Variants in GFM1 observed in about 807,000 individuals in gnomAD.
GFM1 encodes the protein elongation factor G, mitochondrial.
In GFM1, 62 loss-of-function variants were observed where a neutral mutation model predicts 96.2. That is an observed-to-expected ratio of 0.64 (90% CI 0.53 to 0.80). GFM1 has a LOEUF of 0.80. GFM1 is among the 30% of genes least tolerant of loss of function. GFM1 has a pLI of 0.00. For missense variants in GFM1, 852 were observed against 916.6 expected (o/e 0.93, Z 0.91); for synonymous variants, 282 against 312.9 (o/e 0.90, Z 1.04).
chr3:158,657,871 T>C (rs533479443), intron 8 of GFM1, among the ~76,000 whole-genome samples: 1 of 152,320 alleles, frequency 6.6e-6, no homozygotes, highest in African/African-American at 2.4e-5. Context: ...GTGGGGTGTT[T>C]AGTCTAATTT....
At chr3:158,675,789 G>A (rs1724834392) in intron 13 of GFM1, among the ~76,000 whole-genome samples, 1 of 151,992 alleles carries the variant, frequency 6.6e-6, no homozygotes. Flanking sequence ...ATTAGTCCTG[G>A]GATAATTGGA....
At chr3:158,661,651 ACT>A in intron 10 of GFM1, among the ~76,000 whole-genome samples, 1 of 151,082 alleles carries the variant, frequency 6.6e-6, no homozygotes. Context: ...AGGAGAGCAA[ACT>A]CTCTTACATT....
chr3:158,685,260 G>A (rs1725744979), intron 15 of GFM1: 1 of 152,190 alleles, frequency 6.6e-6, no homozygotes, highest in African/African-American at 2.4e-5. Context: ...TCGCTTTTAA[G>A]AGAAAAAAAA....
chr3:158,688,339 A>G (rs946792096), intron 15 of GFM1, among the ~76,000 whole-genome samples: 4 of 152,182 alleles, frequency 2.6e-5, no homozygotes, highest in African/African-American at 9.7e-5. Context: ...AGGCATGTGT[A>G]AGGGTAAGAT....
At chr3:158,666,603 A>G in intron 13 of GFM1, 2 of 1,532,568 alleles carry the variant, frequency 1.3e-6, no homozygotes, top group Non-Finnish European at 1.8e-6. Context: ...ATTGGCATAC[A>G]CATCAATAGA....
intron 13 of GFM1, 122 bp downstream of exon 13, chr3:158,666,508 C>CTA: frequency 9.0e-7 from 1 of 1,113,234 alleles, no homozygotes; most frequent in East Asian, 2.4e-5. Flanking sequence ...ATTATGGACT[C>CTA]TATAAAGTTC....
intron 13 of GFM1, among the ~76,000 whole-genome samples, chr3:158,681,423 A>G (rs1229391841): frequency 6.6e-6 from 1 of 152,180 alleles, no homozygotes; most frequent in Non-Finnish European, 1.5e-5. Context: ...AACTGTGTTT[A>G]TACATCTTTC....
At position 158,692,744 on chromosome 3, in the gene GFM1, T is replaced by G. The variant is rs967510213; in HGVS notation, c.*1277T>G. Among the ~76,000 whole-genome samples the G allele has an allele frequency of 6.6e-6, 1 of 152,054 alleles. No individual in the cohort carries two copies. The highest frequency in any genetic ancestry group is 1.5e-5 in the Non-Finnish European group (1 of 67,994). ...TCTCACTCTATCCCCCAGGCTGGAATGCAGAGGGACTATCTCTGCTCACTA... is the reference window on the plus strand; with the variant it reads ...TCTCACTCTATCCCCCAGGCTGGAAGGCAGAGGGACTATCTCTGCTCACTA... On this transcript the variant is annotated 3_prime_UTR_variant, in exon 18 of 18. Transcript: ENST00000486715.
chr3:158,645,099 C>T (rs1026175486), intron 1 of GFM1, among the ~76,000 whole-genome samples: 1 of 151,804 alleles, frequency 6.6e-6, no homozygotes, highest in African/African-American at 2.4e-5. Context: ...ATCCCCATCC[C>T]CTGCCACCAG....
At chr3:158,686,090 G>A (rs532826518) in intron 15 of GFM1, among the ~76,000 whole-genome samples, 4 of 150,912 alleles carry the variant, frequency 2.7e-5, no homozygotes, top group African/African-American at 9.7e-5. Context: ...ACAGATCTAT[G>A]TGGCCATATA....
intron 13 of GFM1, chr3:158,666,614 C>T (rs1247223762): frequency 1.2e-5 from 18 of 1,565,150 alleles, no homozygotes; most frequent in Non-Finnish European, 1.6e-5. Flanking sequence ...CATCAATAGA[C>T]ATGTTTACAC....
Position 158,662,667 on chromosome 3 carries a change from A to T in GFM1, c.1363A>T (p.Met455Leu), listed in dbSNP as rs769036266. 3 of 1,597,310 alleles carry T rather than the reference A, an allele frequency of 1.9e-6. No homozygotes were observed. The East Asian group carries it at 6.7e-5, about 36-fold the overall frequency. The change falls in exon 11 of 18, where the codon ATG (methionine) becomes TTG (leucine). Residue 455 changes from methionine to leucine, a missense_variant. Transcript: ENST00000486715. Reference protein sequence around the residue: ...HVPDPVISIAMKPSNKNDLEK... With the variant: ...HVPDPVISIALKPSNKNDLEK... ...TCCTGATCCTGTCATTTCAATAGCA[A>T]TGAAGCCTTCTAACAAGGTAGGAGT...
intron 11 of GFM1, 57 bp downstream of exon 11, chr3:158,662,741 T>C: frequency 9.9e-7 from 1 of 1,009,016 alleles, no homozygotes; most frequent in Non-Finnish European, 1.6e-6. Context: ...CTCTTTTTCA[T>C]CTATCTCTAC....
At chr3:158,672,221 G>A in intron 13 of GFM1, 1 of 1,133,938 alleles carries the variant, frequency 8.8e-7, no homozygotes, top group Non-Finnish European at 1.3e-6. Context: ...GATACCAGCA[G>A]TGTGTCCTAA....
intron 10 of GFM1, among the ~76,000 whole-genome samples, chr3:158,662,111 G>A (rs914416785): frequency 1.3e-5 from 2 of 152,104 alleles, no homozygotes; most frequent in African/African-American, 4.8e-5. Flanking sequence ...CTGGCCCTTA[G>A]CCAATTTGTT....
intron 13 of GFM1, 117 bp from the exon 14 acceptor site, chr3:158,681,878 C>A: frequency 8.1e-6 from 7 of 866,844 alleles, no homozygotes; most frequent in Non-Finnish European, 1.3e-5. Flanking sequence ...TATAGCAAGA[C>A]CATCATATTC....
chr3:158,672,058 G>T (rs1231106023), intron 13 of GFM1, among the ~76,000 whole-genome samples: 1 of 152,170 alleles, frequency 6.6e-6, no homozygotes, highest in African/African-American at 2.4e-5. Context: ...TACACTTAAG[G>T]AAAGTGCTGC....
chr3:158,679,512 A>G (rs1560142562), intron 13 of GFM1, among the ~76,000 whole-genome samples: 1 of 152,254 alleles, frequency 6.6e-6, no homozygotes, highest in Non-Finnish European at 1.5e-5. Flanking sequence ...ATTAATAGCA[A>G]TACAGCATTT....
intron 13 of GFM1, chr3:158,669,710 T>G: frequency 2.6e-6 from 3 of 1,133,234 alleles, no homozygotes; most frequent in Non-Finnish European, 3.8e-6. Flanking sequence ...CTAATGGTGT[T>G]GTTTTAGACT....
Sources: allele counts gnomAD v4.1 joint callset (sites outside exome capture counted in the v4.1 genomes callset), GRCh38; gene constraint gnomAD v4.1.1; transcripts MANE v1.5; gene names NCBI Gene and HGNC (gene_info 2026-07-23, HGNC 2026-07-21).